The following PIEZO1 variants were observed in gnomAD, a reference collection of about 807,000 sequenced individuals.
PIEZO1 encodes piezo type mechanosensitive ion channel component 1 (Er blood group).
PIEZO1 carries 296 observed loss-of-function variants against 297.2 expected under a neutral mutation model. The ratio of observed to expected loss-of-function variants is 1.00; its 90% CI spans 0.91 to 1.10. PIEZO1 has a LOEUF of 1.10. Among genes scored for constraint, PIEZO1 ranks in the 50% least tolerant of loss-of-function variants. The pLI is 0.00. For missense variants in PIEZO1, 5,018 were observed against 3,455.5 expected, an observed-to-expected ratio of 1.45 and a Z score of -11.34; for synonymous variants, 2,427 against 1,507.5, an observed-to-expected ratio of 1.61 and a Z score of -14.13.
At position 88,722,908 on chromosome 16, in the gene PIEZO1, T is replaced by A; in HGVS notation, c.4597A>T (p.Thr1533Ser). The change falls in exon 34 of 51, where the codon ACC becomes TCC. Residue 1533 changes from threonine to serine, a missense_variant. Thr to Ser is a moderately conservative substitution (Grantham distance 58). Coordinates refer to ENST00000301015, the MANE Select transcript of PIEZO1 (RefSeq NM_001142864.4). ...DELTRWLQEF[T>S]RHHGTMSDVL... ...TCGCTCATGGTGCCGTGGTGCCGGG[T>A]GAACTCCTGCAGCCAGCGTGTCAGC... 1 of 1,549,218 alleles carries A rather than the reference T, an allele frequency of 6.5e-7. No homozygotes were observed. Among genetic ancestry groups the A allele is most frequent in the African/African-American group, 1.4e-5 (1 of 73,096 alleles).
In PIEZO1 at chr16:88,721,808, C is replaced by A; in HGVS notation, c.5214G>T (p.Glu1738Asp). Residue 1738 changes from glutamate to aspartate, a missense_variant and splice_region_variant, in exon 37 of 51, where the codon GAG becomes GAT. Glu to Asp is a conservative substitution (Grantham distance 45). Transcript: ENST00000301015. ...RFWMTAIVFT[E>D]IAVVVKYLFQ... ...CCCCTCCCCCGCGGCCTCGGCCCAC[C>A]TCGGTGAAGACGATGGCCGTCATCC... 1 of 1,544,320 alleles carries A rather than the reference C, an allele frequency of 6.5e-7. No individual in the cohort carries two copies. Among genetic ancestry groups the A allele is most frequent in the East Asian group, 2.4e-5 (1 of 40,830 alleles).
chr16:88,730,002 G>A (rs1904692857), intron 22 of PIEZO1, among the ~76,000 whole-genome samples: 1 of 152,288 alleles, frequency 6.6e-6, no homozygotes, highest in Non-Finnish European at 1.5e-5. Flanking sequence ...GTGGAAGGAG[G>A]CAGAAGAAGG....
In PIEZO1 at chr16:88,724,922, G is replaced by A. The variant is rs1233299527; in HGVS notation, c.4234+87C>T. On this transcript the variant is annotated intron_variant, in intron 30 of 50. Transcript: ENST00000301015. Reference sequence around the variant, plus strand: ...CTCAGGGCCTGGGAGTCGGGGGAAGGGAGGGGAAGATAGCAGGCCAGGCAG... The same window carrying A: ...CTCAGGGCCTGGGAGTCGGGGGAAGAGAGGGGAAGATAGCAGGCCAGGCAG... 1.4e-5 allele frequency: 12 copies of A among 843,784 alleles called. No individual in the cohort carries two copies. The Admixed American group carries it at 3.5e-4, about 24-fold the overall frequency. 52.3% of individuals were successfully genotyped at this position (843,784 alleles called of 1,614,324 possible).
chr16:88,746,301 T>G (rs531254091), intron 2 of PIEZO1, among the ~76,000 whole-genome samples: 3 of 152,036 alleles, frequency 2.0e-5, no homozygotes, highest in African/African-American at 2.4e-5. Flanking sequence ...TGGGGGGTGA[T>G]CTCTCTCCAG....
chr16:88,766,108 T>C (rs746218898), intron 1 of PIEZO1, among the ~76,000 whole-genome samples: 14 of 151,738 alleles, frequency 9.2e-5, no homozygotes, highest in Non-Finnish European at 1.8e-4. Flanking sequence ...GGTGTGAGGG[T>C]TGATTCATGT....
rs1367576624 is a variant in PIEZO1 at position 88,732,670 on chromosome 16, C to T, written c.2727G>A (p.Gly909=). 106 of 1,548,960 alleles carry T rather than the reference C, an allele frequency of 6.8e-5. No homozygotes were observed. The highest frequency in any genetic ancestry group is 8.9e-5 in the Non-Finnish European group (102 of 1,145,950). ...TEISQSLLYR[G]PVDPANWFGV... ...CAAACCAGTTGGCAGGGTCCACGGGCCCCCGGTACAGCAGGGACTGGCTGA... is the reference window on the plus strand; with the variant it reads ...CAAACCAGTTGGCAGGGTCCACGGGTCCCCGGTACAGCAGGGACTGGCTGA... The change falls in exon 20 of 51, where the codon GGG becomes GGA. Residue 909 remains glycine (G), a synonymous_variant. Coordinates refer to ENST00000301015, the MANE Select transcript of PIEZO1 (RefSeq NM_001142864.4).
Position 88,721,392 on chromosome 16 carries a change from G to A in PIEZO1, c.5442C>T (p.Ser1814=), listed in dbSNP as rs1388302108. 1.3e-6 allele frequency: 2 copies of A among 1,549,952 alleles called. No individual in the cohort carries two copies. The highest frequency in any genetic ancestry group is 2.0e-5 in the Admixed American group (1 of 50,974). The part of the protein sequence containing the change: ...GLWDHEEDSP[S]KEHDKSGEEE... ...CCTCGCCGCTCTTGTCATGCTCCTT[G>A]GATGGTGAGTCCTCCTCATGGTCCC... The change falls in exon 39 of 51, where the codon TCC becomes TCT. Residue 1814 remains serine (S), a synonymous_variant. Coordinates refer to ENST00000301015, the MANE Select transcript of PIEZO1 (RefSeq NM_001142864.4).
chr16:88,784,445 C>T (rs1019756795), intron 1 of PIEZO1, among the ~76,000 whole-genome samples: 1 of 152,086 alleles, frequency 6.6e-6, no homozygotes, highest in African/African-American at 2.4e-5. Flanking sequence ...GGCAGGAAGC[C>T]CGCCTTCTCC....
intron 1 of PIEZO1, among the ~76,000 whole-genome samples, chr16:88,777,792 G>C (rs1002471172): frequency 4.6e-5 from 7 of 152,136 alleles, no homozygotes; most frequent in African/African-American, 7.2e-5. Context: ...AGGTGAGTGA[G>C]ACCAAGACCA....
At chr16:88,776,667 C>A (rs1567489210) in intron 1 of PIEZO1, among the ~76,000 whole-genome samples, 1 of 152,220 alleles carries the variant, frequency 6.6e-6, no homozygotes, top group Non-Finnish European at 1.5e-5. Flanking sequence ...GGGGGCCACA[C>A]ACCAGGGGCA....
chr16:88,783,587 C>G (rs1337594310), intron 1 of PIEZO1, among the ~76,000 whole-genome samples: 1 of 152,170 alleles, frequency 6.6e-6, no homozygotes, highest in Non-Finnish European at 1.5e-5. Context: ...GCCAGGCTGT[C>G]CTGCTTGTTT....
chr16:88,726,731 G>C lies in PIEZO1; in HGVS notation c.3683C>G (p.Ser1228Cys). The C allele has an allele frequency of 6.5e-7, 1 of 1,550,026 alleles. No homozygotes were observed. The highest frequency in any genetic ancestry group is 8.7e-7 in the Non-Finnish European group (1 of 1,146,748). ...GAGGCTCACCGACAGCATGTTCTTGGAGATGATGACGGTGACGTTGTACAG... is the reference window on the plus strand; with the variant it reads ...GAGGCTCACCGACAGCATGTTCTTGCAGATGATGACGGTGACGTTGTACAG... ...LILYNVTVII[S>C]KNMLSLLACV... Residue 1228 changes from serine to cysteine, a missense_variant, in exon 25 of 51, where the codon TCC (serine) becomes TGC (cysteine). Physicochemically the swap from Ser to Cys is moderately radical, Grantham distance 112 (BLOSUM62 -1). Transcript: ENST00000301015.
chr16:88,762,469 G>T (rs969003197), intron 1 of PIEZO1, among the ~76,000 whole-genome samples: 1 of 152,172 alleles, frequency 6.6e-6, no homozygotes, highest in African/African-American at 2.4e-5. Context: ...CAATCCCGGG[G>T]ACGGCAGGAC....
rs1912435862 is a variant in PIEZO1, at chr16:88,721,346, C to A, written c.5488G>T (p.Gly1830Trp). ...GTGGTGGCCGCAGGCACCCCTGGCC[C>A]CTCCTCGGCTCCCTGCTCCTCCTCG... ...SGEEEQGAEE[G>W]PGVPAATTED... is the part of the protein sequence containing the mutation. The change falls in exon 39 of 51, where the codon GGG becomes TGG. Residue 1830 changes from glycine to tryptophan, a missense_variant. By Grantham distance (184) the Gly-to-Trp change is radical. Transcript: ENST00000301015. 2 of 1,548,430 alleles carry A rather than the reference C, an allele frequency of 1.3e-6. No individual in the cohort carries two copies. Among genetic ancestry groups the A allele is most frequent in the Non-Finnish European group, 1.7e-6 (2 of 1,146,852 alleles).
chr16:88,723,109 T>C lies in PIEZO1; in HGVS notation c.4481A>G (p.Glu1494Gly), dbSNP rs1904294674. The C allele has an allele frequency of 7.1e-6, 11 of 1,548,372 alleles. No individual in the cohort carries two copies. Among genetic ancestry groups the C allele is most frequent in the African/African-American group, 2.7e-5 (2 of 73,016 alleles). The change falls in exon 33 of 51, where the codon GAG becomes GGG. Residue 1494 changes from glutamate (E) to glycine (G), a missense_variant. Transcript: ENST00000301015. The stretch of plus-strand genomic sequence containing the variant: ...GGCCCACGTACCTGCCGCTGCCTCC[T>C]CGGGGCCCTCTGCTGGCTCCACCTC... ...SQEVEPAEGP[E>G]EAAAGRSHVV...
chr16:88,725,362 G>T, intron 29 of PIEZO1, 54 bp downstream of exon 29: 1 of 1,090,324 alleles, frequency 9.2e-7, no homozygotes, highest in Non-Finnish European at 1.3e-6. Flanking sequence ...CACGCCAGCA[G>T]GCACAGACAT....
At chr16:88,781,439 T>C (rs1907933319) in intron 1 of PIEZO1, among the ~76,000 whole-genome samples, 1 of 152,202 alleles carries the variant, frequency 6.6e-6, no homozygotes, top group African/African-American at 2.4e-5. Flanking sequence ...CACGCACACA[T>C]GTGCACACTC....
At chr16:88,740,930 T>C (rs750740) in intron 5 of PIEZO1, 75,223 of 152,510 alleles carry the variant, frequency 0.49, 18,842 homozygotes, top group Middle Eastern at 0.68. Flanking sequence ...CCTGTCCGTG[T>C]GAGGGGGCCA....
rs373854051 is a variant in PIEZO1, at chr16:88,719,881, G to A, written c.6244C>T (p.Arg2082Cys). ...AGGATGCGGGTGGGGTAGCCGCAGC[G>A]GATCTGGTAGGCGGACAGGGCGAAG... The part of the protein sequence containing the change: ...IYFALSAYQI[R>C]CGYPTRILGN... Residue 2082 changes from arginine to cysteine, a missense_variant, in exon 43 of 51, where the codon CGC becomes TGC. Arg to Cys is a radical substitution (Grantham distance 180). Coordinates refer to ENST00000301015, the MANE Select transcript of PIEZO1 (RefSeq NM_001142864.4). 56 of 1,550,532 alleles carry A rather than the reference G, an allele frequency of 3.6e-5. No homozygotes were observed. Among genetic ancestry groups the A allele is most frequent in the South Asian group, 8.3e-5 (7 of 84,066 alleles).
Sources: allele counts gnomAD v4.1 joint callset (sites outside exome capture counted in the v4.1 genomes callset), GRCh38; gene constraint gnomAD v4.1.1; transcripts MANE v1.5; gene names NCBI Gene and HGNC (gene_info 2026-07-23, HGNC 2026-07-21).